SLC30A9: variants seen among roughly 807,000 people sequenced by gnomAD.
SLC30A9 encodes the protein solute carrier family 30 member 9, also known as proton-coupled zinc antiporter SLC30A9, mitochondrial.
A neutral mutation model predicts 87.5 loss-of-function variants in SLC30A9; 58 were observed. The ratio of observed to expected loss-of-function variants is 0.66; its 90% CI spans 0.54 to 0.82. The LOEUF is 0.82. SLC30A9 is among the 40% of genes least tolerant of loss of function. The pLI, the probability that SLC30A9 is intolerant of heterozygous loss-of-function variation, is 0.00. For synonymous variants in SLC30A9, 234 were observed against 233.0 expected (o/e 1.00, Z -0.04); for missense variants, 557 against 679.1 (o/e 0.82, Z 2.00).
intron 9 of SLC30A9, among the ~76,000 whole-genome samples, chr4:42,055,945 C>G (rs74782550): frequency 0.037 from 5,694 of 152,134 alleles, 138 homozygotes; most frequent in African/African-American, 0.042. Context: ...TAAACAAATG[C>G]TCTGTAGGTT....
chr4:42,018,164 G>A lies in SLC30A9; in HGVS notation c.328G>A (p.Val110Ile). 6.6e-7 allele frequency: 1 copy of A among 1,519,120 alleles called. No individual in the cohort carries two copies. The highest frequency in any genetic ancestry group is 9.1e-7 in the Non-Finnish European group (1 of 1,098,076). The allele number at this position is 1,519,120 out of a possible 1,614,324, so 94.1% of individuals were successfully genotyped here. A position where few individuals can be genotyped will look rare whatever the true frequency, so the allele number is the denominator to read the frequency against. Residue 110 changes from valine (V) to isoleucine (I), a missense_variant, in exon 3 of 18, where the codon GTA becomes ATA. By Grantham distance (29) the Val-to-Ile change is conservative. Transcript: ENST00000264451. ...KAPLKQEPLQ[V>I]RVKAVLKKRE... ...TCCACTTAAGCAAGAACCTCTCCAA[G>A]TAAGAGGTAAATATATTTTATCCTA...
intron 8 of SLC30A9, among the ~76,000 whole-genome samples, chr4:42,043,154 A>G (rs1198026347): frequency 1.3e-5 from 2 of 152,130 alleles, no homozygotes; most frequent in African/African-American, 4.8e-5. Flanking sequence ...AATTCCAAAA[A>G]CCAGAACACC....
chr4:42,074,717 A>G (rs1450851538), intron 15 of SLC30A9, among the ~76,000 whole-genome samples: 3 of 152,138 alleles, frequency 2.0e-5, no homozygotes, highest in Non-Finnish European at 4.4e-5. Flanking sequence ...AAAGCCATCC[A>G]TTAAATGCCT....
At chr4:41,992,726 A>T (rs1235200599) in intron 1 of SLC30A9, among the ~76,000 whole-genome samples, 1 of 152,214 alleles carries the variant, frequency 6.6e-6, no homozygotes, top group Admixed American at 6.5e-5. Context: ...GTAGGTTTTT[A>T]AAAATAACTT....
At chr4:42,072,659 G>A (rs1299825467) in intron 15 of SLC30A9, among the ~76,000 whole-genome samples, 16 of 151,928 alleles carry the variant, frequency 1.1e-4, no homozygotes, top group Admixed American at 1.0e-3. Flanking sequence ...TTGTTTTATG[G>A]CCTTACATAT....
At chr4:42,048,182 A>C (rs1198916860) in intron 8 of SLC30A9, among the ~76,000 whole-genome samples, 1 of 152,192 alleles carries the variant, frequency 6.6e-6, no homozygotes, top group African/African-American at 2.4e-5. Context: ...CCTATGTAAC[A>C]AACCTGCACA....
intron 16 of SLC30A9, among the ~76,000 whole-genome samples, chr4:42,076,970 A>AG: frequency 8.6e-6 from 1 of 116,088 alleles, no homozygotes; most frequent in African/African-American, 3.1e-5. Context: ...TCAAAAAAAA[A>AG]AAAAAAAGAA....
chr4:42,074,576 A>G (rs1718447447), intron 15 of SLC30A9, among the ~76,000 whole-genome samples: 2 of 152,088 alleles, frequency 1.3e-5, no homozygotes, highest in Admixed American at 1.3e-4. Flanking sequence ...CTGGGCTTGC[A>G]TTTCTGAAGA....
At chr4:42,080,330 TATACCCATCATG>T (rs1718705422) in intron 17 of SLC30A9, among the ~76,000 whole-genome samples, 1 of 152,226 alleles carries the variant, frequency 6.6e-6, no homozygotes, top group Admixed American at 6.5e-5. Flanking sequence ...CGAATCATGT[TATACCCATCATG>T]GTTTGGTTTA....
intron 2 of SLC30A9, among the ~76,000 whole-genome samples, chr4:42,008,652 G>A (rs1378425243): frequency 6.6e-6 from 1 of 152,228 alleles, no homozygotes; most frequent in East Asian, 1.9e-4. Context: ...CTGCAAAGCA[G>A]ACTTGAGAAG....
At chr4:42,010,557 G>A (rs908519529) in intron 2 of SLC30A9, among the ~76,000 whole-genome samples, 13 of 152,130 alleles carry the variant, frequency 8.5e-5, no homozygotes, top group Non-Finnish European at 2.9e-5. Flanking sequence ...AAAAACAATT[G>A]CCAAGAAATA....
intron 8 of SLC30A9, among the ~76,000 whole-genome samples, chr4:42,039,489 A>G (rs1166172800): frequency 6.7e-6 from 1 of 148,326 alleles, no homozygotes; most frequent in African/African-American, 2.5e-5. Context: ...TTTGAGACAG[A>G]GTCTTGCTCT....
chr4:42,054,952 T>G (rs1230789705), intron 9 of SLC30A9, among the ~76,000 whole-genome samples: 1 of 152,212 alleles, frequency 6.6e-6, no homozygotes, highest in Admixed American at 6.5e-5. Context: ...AGGGAGTAGA[T>G]ATGGATGAAA....
At chr4:42,070,249 CTCTAA>C (rs2153140565) in intron 14 of SLC30A9, 2 of 276,300 alleles carry the variant, frequency 7.2e-6, no homozygotes, top group African/African-American at 2.2e-5. Flanking sequence ...GTATTGGTGT[CTCTAA>C]TCTAAATGTG....
intron 1 of SLC30A9, among the ~76,000 whole-genome samples, chr4:42,001,373 C>G (rs1329820323): frequency 6.6e-6 from 1 of 151,884 alleles, no homozygotes; most frequent in African/African-American, 2.4e-5. Flanking sequence ...CTATTATGTA[C>G]TATATACCTT....
At chr4:42,030,497 G>A (rs936998859) in intron 6 of SLC30A9, among the ~76,000 whole-genome samples, 1 of 151,114 alleles carries the variant, frequency 6.6e-6, no homozygotes, top group Non-Finnish European at 1.5e-5. Flanking sequence ...CAAGCCATGT[G>A]TTATCGTATC....
At chr4:42,080,569 T>C (rs1560563021) in intron 17 of SLC30A9, among the ~76,000 whole-genome samples, 1 of 152,236 alleles carries the variant, frequency 6.6e-6, no homozygotes, top group Non-Finnish European at 1.5e-5. Context: ...GGCTCCATAG[T>C]TGACTGCATA....
At chr4:42,054,522 G>T (rs1290124551) in intron 9 of SLC30A9, among the ~76,000 whole-genome samples, 1 of 145,518 alleles carries the variant, frequency 6.9e-6, no homozygotes, top group Non-Finnish European at 1.5e-5. Flanking sequence ...ACAGAGTCTC[G>T]CTCTGTCACC....
At chr4:42,014,565 A>AG (rs1715620710) in intron 2 of SLC30A9, among the ~76,000 whole-genome samples, 1 of 151,896 alleles carries the variant, frequency 6.6e-6, no homozygotes, top group Admixed American at 6.6e-5. Flanking sequence ...CAAAAAAAAA[A>AG]AAAAGGAAAT....
Sources: gnomAD v4.1 joint callset for allele counts (sites outside exome capture counted in the v4.1 genomes callset) on GRCh38, gnomAD v4.1.1 for gene constraint, MANE v1.5 for transcripts, NCBI Gene and HGNC (gene_info 2026-07-23, HGNC 2026-07-21) for gene names.